The following TSG101 variants were observed in gnomAD, a reference collection of about 807,000 sequenced individuals.
TSG101 encodes tumor susceptibility gene 101 protein.
TSG101 carries 19 observed loss-of-function variants against 48.5 expected under a neutral mutation model. The ratio of observed to expected loss-of-function variants is 0.39; its 90% CI spans 0.27 to 0.58. The LOEUF (loss-of-function observed/expected upper bound fraction) is 0.58, where lower values mean the gene tolerates loss of function less well. Ranked by LOEUF, TSG101 falls within the 20% of genes least tolerant of loss-of-function variation. The probability of loss-of-function intolerance (pLI) is 0.55; values close to 1 mark genes in which losing one functional copy is unlikely to be tolerated. For missense variants in TSG101, 365 were observed against 484.4 expected, an observed-to-expected ratio of 0.75 and a Z score of 2.31; for synonymous variants, 174 against 169.4, an observed-to-expected ratio of 1.03 and a Z score of -0.21.
chr11:18,525,301 T>C (rs1220618294), intron 1 of TSG101, among the ~76,000 whole-genome samples: 1 of 152,092 alleles, frequency 6.6e-6, no homozygotes, highest in Admixed American at 6.6e-5. Flanking sequence ...ATTCCCATCA[T>C]TTTGGGAAGC....
At chr11:18,512,290 C>A (rs867598544) in intron 4 of TSG101, among the ~76,000 whole-genome samples, 51 of 152,190 alleles carry the variant, frequency 3.4e-4, no homozygotes, top group African/African-American at 1.2e-3. Context: ...CCTGTAATCC[C>A]AGCTACTCAG....
chr11:18,491,057 G>A (rs976844585), intron 7 of TSG101: 7 of 175,744 alleles, frequency 4.0e-5, no homozygotes, highest in African/African-American at 1.2e-4. Flanking sequence ...CAGCGGTGGC[G>A]GTGCCTGCCG....
At chr11:18,480,671 G>C in intron 9 of TSG101, 36 bp from the exon 10 acceptor site, 4 of 1,590,042 alleles carry the variant, frequency 2.5e-6, no homozygotes, top group Middle Eastern at 1.7e-4. Flanking sequence ...GTTTAGAATG[G>C]CTTTGATTTA....
Position 18,481,676 on chromosome 11 carries a change from C to A in TSG101, c.1037G>T (p.Gly346Val). 1 of 1,614,144 alleles carries A rather than the reference C, an allele frequency of 6.2e-7. No individual in the cohort carries two copies. Among genetic ancestry groups the A allele is most frequent in the Non-Finnish European group, 8.5e-7 (1 of 1,180,014 alleles). Residue 346 changes from glycine (G) to valine (V), a missense_variant, in exon 9 of 10, where the codon GGA becomes GTA. By Grantham distance (109) the Gly-to-Val change is moderately radical. Coordinates refer to ENST00000251968, the MANE Select transcript of TSG101 (RefSeq NM_006292.4). Reference sequence around the variant, plus strand: ...TATCACGCCCCTTCTCAAGGCTTCTCCCAAGTAAAAGATAGTGTCTTCAAT... The same window carrying A: ...TATCACGCCCCTTCTCAAGGCTTCTACCAAGTAAAAGATAGTGTCTTCAAT... Reference protein sequence around the residue: ...NAIEDTIFYLGEALRRGVIDL... With the variant: ...NAIEDTIFYLVEALRRGVIDL...
intron 7 of TSG101, among the ~76,000 whole-genome samples, chr11:18,497,223 A>C (rs1347912950): frequency 1.3e-5 from 2 of 152,188 alleles, no homozygotes; most frequent in African/African-American, 2.4e-5. Flanking sequence ...CTAATATCTA[A>C]ATGATACTTT....
chr11:18,499,964 T>C (rs1849862828), intron 7 of TSG101, among the ~76,000 whole-genome samples: 1 of 152,186 alleles, frequency 6.6e-6, no homozygotes, highest in African/African-American at 2.4e-5. Context: ...TAACTGTATG[T>C]TTGTACTCAT....
At chr11:18,514,924 T>A in intron 3 of TSG101, 83 bp from the exon 4 acceptor site, 4 of 1,299,312 alleles carry the variant, frequency 3.1e-6, no homozygotes, top group Non-Finnish European at 4.1e-6. Context: ...AGGTTTAGTC[T>A]AGATACAATT....
chr11:18,526,219 CT>C (rs1472768991), intron 1 of TSG101, among the ~76,000 whole-genome samples: 1 of 151,754 alleles, frequency 6.6e-6, no homozygotes, highest in Non-Finnish European at 1.5e-5. Context: ...GAAGCATACA[CT>C]TAAAAGTAGT....
intron 2 of TSG101, 49 bp from the exon 3 acceptor site, chr11:18,516,213 C>G: frequency 6.6e-7 from 1 of 1,517,014 alleles, no homozygotes; most frequent in South Asian, 1.1e-5. Flanking sequence ...TTAAGATACT[C>G]CCATAAGTTA....
intron 1 of TSG101, among the ~76,000 whole-genome samples, chr11:18,526,023 A>C (rs978055877): frequency 1.3e-5 from 2 of 152,202 alleles, no homozygotes; most frequent in African/African-American, 4.8e-5. Context: ...GGAAAATTAC[A>C]ACAAAACATA....
chr11:18,496,418 G>A (rs1849778059), intron 7 of TSG101, among the ~76,000 whole-genome samples: 1 of 128,854 alleles, frequency 7.8e-6, no homozygotes, highest in Non-Finnish European at 1.7e-5. Context: ...CTCCAGCCTG[G>A]GTGGCAGAGC....
chr11:18,490,587 T>C (rs1849684172), intron 7 of TSG101: 2 of 473,238 alleles, frequency 4.2e-6, no homozygotes, highest in Non-Finnish European at 8.2e-6. Flanking sequence ...TTCAGAAAAA[T>C]ACCTAAAATA....
chr11:18,483,803 C>T (rs1849580950), intron 8 of TSG101, 67 bp downstream of exon 8: 20 of 1,539,662 alleles, frequency 1.3e-5, no homozygotes, highest in Admixed American at 1.7e-5. Flanking sequence ...ATCCAGGGAA[C>T]ATATAGAACA....
intron 8 of TSG101, among the ~76,000 whole-genome samples, chr11:18,482,295 T>C (rs973124808): frequency 6.6e-6 from 1 of 152,196 alleles, no homozygotes; most frequent in African/African-American, 2.4e-5. Flanking sequence ...GGCCCAAATG[T>C]CTGCATTCTA....
intron 7 of TSG101, among the ~76,000 whole-genome samples, chr11:18,499,256 A>T (rs1346030877): frequency 7.5e-6 from 1 of 133,194 alleles, no homozygotes; most frequent in Non-Finnish European, 1.5e-5. Flanking sequence ...TTTATATATT[A>T]TATATATTTT....
intron 5 of TSG101, 82 bp downstream of exon 5, chr11:18,509,460 T>C (rs1850039757): frequency 7.3e-6 from 11 of 1,503,064 alleles, no homozygotes; most frequent in Non-Finnish European, 9.8e-6. Context: ...AAAGAAGTCA[T>C]TATTTTTCTT....
At chr11:18,483,776 CCTA>C (rs1435273744) in intron 8 of TSG101, 91 bp downstream of exon 8, 68 of 1,342,872 alleles carry the variant, frequency 5.1e-5, no homozygotes, top group Admixed American at 1.3e-4. Flanking sequence ...TTTCTGAACT[CCTA>C]CTATGCCCAC....
chr11:18,510,855 G>A (rs1421708371), intron 4 of TSG101, among the ~76,000 whole-genome samples: 1 of 152,014 alleles, frequency 6.6e-6, no homozygotes, highest in Non-Finnish European at 1.5e-5. Flanking sequence ...CAGGAAGGTT[G>A]AGGCTGCAGT....
chr11:18,526,889 C>T lies in TSG101; in HGVS notation c.-73G>A. 3 of 1,509,830 alleles carry T rather than the reference C, an allele frequency of 2.0e-6. No individual in the cohort carries two copies. The highest frequency in any genetic ancestry group is 1.4e-5 in the African/African-American group (1 of 72,716). 93.5% of individuals were successfully genotyped at this position (1,509,830 alleles called of 1,614,324 possible). A position where few individuals can be genotyped will look rare whatever the true frequency, so the allele number is the denominator to read the frequency against. On this transcript the variant is annotated 5_prime_UTR_variant, in exon 1 of 10. The change creates a new upstream start codon in the 5' untranslated region. Transcript: ENST00000251968. ...TGCTGGGCTGCCCCAGACCGTCCCA[C>T]ACAATCGCACACCCCCAACCCGGCC...
Sources: gnomAD v4.1 joint callset for allele counts (sites outside exome capture counted in the v4.1 genomes callset) on GRCh38, gnomAD v4.1.1 for gene constraint, MANE v1.5 for transcripts, NCBI Gene and HGNC (gene_info 2026-07-23, HGNC 2026-07-21) for gene names.